The following FBXL2 variants were observed in gnomAD, a reference collection of about 807,000 sequenced individuals.
The protein encoded by FBXL2 is F-box/LRR-repeat protein 2.
Under a neutral mutation model 69.2 loss-of-function variants are expected in FBXL2, and 38 were observed. That is an observed-to-expected ratio of 0.55 (90% CI 0.42 to 0.72). The LOEUF is 0.72. Ranked by LOEUF, FBXL2 falls within the 30% of genes least tolerant of loss-of-function variation. FBXL2 has a pLI of 0.00. For synonymous variants in FBXL2, 192 were observed against 201.3 expected (o/e 0.95, Z 0.39); for missense variants, 354 against 520.3 (o/e 0.68, Z 3.11).
At chr3:33,308,637 A>C (rs1240155015) in intron 2 of FBXL2, among the ~76,000 whole-genome samples, 1 of 152,166 alleles carries the variant, frequency 6.6e-6, no homozygotes, top group Non-Finnish European at 1.5e-5. Context: ...GAGTACTAAA[A>C]ACAGGCAATA....
intron 9 of FBXL2, among the ~76,000 whole-genome samples, chr3:33,374,841 AATAT>A (rs142338561): frequency 1.3e-5 from 2 of 152,202 alleles, no homozygotes; most frequent in Admixed American, 6.5e-5. Flanking sequence ...ATGAAATATA[AATAT>A]ATGTGTATAT....
At chr3:33,367,361 C>G (rs542791805) in intron 5 of FBXL2, among the ~76,000 whole-genome samples, 1 of 152,168 alleles carries the variant, frequency 6.6e-6, no homozygotes, top group Admixed American at 6.5e-5. Context: ...GGATTATAAG[C>G]GTGAGCCACC....
intron 2 of FBXL2, among the ~76,000 whole-genome samples, chr3:33,306,609 T>G (rs1375747821): frequency 6.6e-6 from 1 of 152,156 alleles, no homozygotes; most frequent in Non-Finnish European, 1.5e-5. Flanking sequence ...GTTGAAGAAC[T>G]TGGGTTATTT....
intron 2 of FBXL2, among the ~76,000 whole-genome samples, chr3:33,299,317 C>T (rs2036051623): frequency 6.6e-6 from 1 of 152,276 alleles, no homozygotes; most frequent in African/African-American, 2.4e-5. Context: ...GTTGGGATTA[C>T]AGGCGTGAGC....
At chr3:33,356,709 T>G (rs1372785651) in intron 2 of FBXL2, among the ~76,000 whole-genome samples, 2 of 152,184 alleles carry the variant, frequency 1.3e-5, no homozygotes, top group East Asian at 3.9e-4. Context: ...AAGTTGTTTT[T>G]GGGAACTCTT....
chr3:33,287,101 G>A (rs1012680931), intron 1 of FBXL2, among the ~76,000 whole-genome samples: 3 of 152,282 alleles, frequency 2.0e-5, no homozygotes, highest in East Asian at 1.9e-4. Context: ...CTTCTGCATC[G>A]CTCACGCTGG....
intron 12 of FBXL2, among the ~76,000 whole-genome samples, chr3:33,378,459 C>T (rs1018766155): frequency 2.0e-5 from 3 of 152,174 alleles, no homozygotes; most frequent in Non-Finnish European, 4.4e-5. Context: ...TTGTCCCTTG[C>T]CCCAAGCCTC....
At chr3:33,379,056 G>A (rs2154050758) in intron 13 of FBXL2, among the ~76,000 whole-genome samples, 1 of 151,726 alleles carries the variant, frequency 6.6e-6, no homozygotes, top group South Asian at 2.1e-4. Context: ...CGCCTAGGGT[G>A]GAAAGCAGTG....
chr3:33,401,468 T>C (rs1385851870), intron 12 of FBXL2, among the ~76,000 whole-genome samples: 1 of 152,108 alleles, frequency 6.6e-6, no homozygotes, highest in Non-Finnish European at 1.5e-5. Flanking sequence ...CTTTAAGTAA[T>C]ACATATATCC....
intron 4 of FBXL2, among the ~76,000 whole-genome samples, chr3:33,359,813 T>C (rs1476099180): frequency 6.6e-6 from 1 of 152,194 alleles, no homozygotes; most frequent in Non-Finnish European, 1.5e-5. Flanking sequence ...CTCAGTATTC[T>C]GTTTTATTAT....
intron 2 of FBXL2, among the ~76,000 whole-genome samples, chr3:33,345,651 G>A (rs1231128206): frequency 6.6e-6 from 1 of 152,076 alleles, no homozygotes; most frequent in East Asian, 1.9e-4. Context: ...CACATTCTAA[G>A]TCATAAAACA....
intron 2 of FBXL2, among the ~76,000 whole-genome samples, chr3:33,327,696 T>C (rs1018131601): frequency 1.3e-5 from 2 of 151,944 alleles, no homozygotes; most frequent in African/African-American, 4.8e-5. Context: ...ACCAACAAAT[T>C]AGAACACCTA....
chr3:33,412,602 C>T, the FBXL2 span: 3 of 621,370 alleles, frequency 4.8e-6, no homozygotes, highest in East Asian at 5.9e-5. Context: ...AAAAAAGACA[C>T]AAAATCCACA....
intron 2 of FBXL2, among the ~76,000 whole-genome samples, chr3:33,308,879 A>G (rs2036940775): frequency 6.6e-6 from 1 of 152,088 alleles, no homozygotes; most frequent in South Asian, 2.1e-4. Context: ...ATGTTGTTTA[A>G]TTTTAGAAAT....
intron 5 of FBXL2, among the ~76,000 whole-genome samples, chr3:33,367,274 G>A (rs1256218999): frequency 6.6e-6 from 1 of 152,054 alleles, no homozygotes; most frequent in East Asian, 1.9e-4. Context: ...AGAGACGGGG[G>A]TTTCACCATG....
intron 1 of FBXL2, among the ~76,000 whole-genome samples, chr3:33,292,471 C>CA (rs1416106772): frequency 6.6e-6 from 1 of 151,818 alleles, no homozygotes; most frequent in Non-Finnish European, 1.5e-5. Flanking sequence ...GAGAAAGAGG[C>CA]AAAACCACAA....
chr3:33,384,310 C>G, intron 14 of FBXL2, 109 bp downstream of exon 14: 1 of 1,071,386 alleles, frequency 9.3e-7, no homozygotes, highest in Non-Finnish European at 1.4e-6. Flanking sequence ...CCTGTAATCC[C>G]AACACTTTCA....
In FBXL2 at chr3:33,385,916, C is replaced by A; in HGVS notation, c.*308C>A. On this transcript the variant is annotated 3_prime_UTR_variant, in exon 15 of 15. Coordinates refer to ENST00000484457, the MANE Select transcript of FBXL2 (RefSeq NM_012157.5). ...CCTACCTAGGTACGAAAGTTCTACC[C>A]TTGGCATACTCAGCATTCCTCAAAA... The A allele has an allele frequency of 2.7e-6, 1 of 363,898 alleles. No individual in the cohort carries two copies. The highest frequency in any genetic ancestry group is 4.5e-5 in the Admixed American group (1 of 22,328). The allele number at this position is 363,898 out of a possible 1,614,324, so 22.5% of individuals were successfully genotyped here.
intron 2 of FBXL2, among the ~76,000 whole-genome samples, chr3:33,311,072 C>T (rs368298336): frequency 6.6e-6 from 1 of 152,178 alleles, no homozygotes; most frequent in Non-Finnish European, 1.5e-5. Flanking sequence ...CCACCACACC[C>T]AGCCAAATTC....
Sources: allele counts gnomAD v4.1 joint callset (sites outside exome capture counted in the v4.1 genomes callset), GRCh38; gene constraint gnomAD v4.1.1; transcripts MANE v1.5; gene names NCBI Gene and HGNC (gene_info 2026-07-23, HGNC 2026-07-21).